Variants in GABARAP observed in about 807,000 individuals in gnomAD.
The protein encoded by GABARAP is GABA type A receptor-associated protein.
A neutral mutation model predicts 16.7 loss-of-function variants in GABARAP; 5 were observed. That is an observed-to-expected ratio of 0.30 (90% CI 0.16 to 0.63). The LOEUF (loss-of-function observed/expected upper bound fraction) is 0.63. Ranked by LOEUF, GABARAP falls within the 20% of genes least tolerant of loss-of-function variation. The pLI, the probability that GABARAP is intolerant of heterozygous loss-of-function variation, is 0.82. For missense variants in GABARAP, 84 were observed against 146.6 expected (o/e 0.57, Z 2.21); for synonymous variants, 45 against 52.7 (o/e 0.85, Z 0.64).
At position 7,240,756 on chromosome 17, in the gene GABARAP, G is replaced by A. The variant is rs1236514932; in HGVS notation, c.*98C>T. 10 of 789,234 alleles carry A rather than the reference G, an allele frequency of 1.3e-5. No homozygotes were observed. Among genetic ancestry groups the A allele is most frequent in the Non-Finnish European group, 2.0e-5 (9 of 442,814 alleles). The allele number at this position is 789,234 out of a possible 1,614,324, so 48.9% of individuals were successfully genotyped here. On this transcript the variant is annotated 3_prime_UTR_variant, in exon 4 of 4. Transcript: ENST00000302386. ...TAAGAAGTGCCGGTCCTGAATAAGG[G>A]AGGTGGTGTTTGAGCTTGAAGGAGG...
chr17:7,241,003 A>G (rs900378091), intron 3 of GABARAP, 84 bp from the exon 4 acceptor site: 1 of 883,986 alleles, frequency 1.1e-6, no homozygotes, highest in Non-Finnish European at 1.9e-6. Flanking sequence ...TTCTAGAACC[A>G]CAAACCATTG....
At chr17:7,241,176 C>T in intron 3 of GABARAP, 166 bp downstream of exon 3, 3 of 684,682 alleles carry the variant, frequency 4.4e-6, no homozygotes, top group Non-Finnish European at 8.0e-6. Flanking sequence ...CTCTTTCCTT[C>T]TCTCTACTCC....
In GABARAP at chr17:7,241,626, T is replaced by C. The variant is rs2071779682; in HGVS notation, c.144A>G (p.Lys48=). The change falls in exon 2 of 4, where the codon AAA becomes AAG. Residue 48 remains lysine (K), a synonymous_variant. Coordinates refer to ENST00000302386, the MANE Select transcript of GABARAP (RefSeq NM_007278.2). The part of the protein sequence containing the change: ...KARIGDLDKK[K]YLVPSDLTVG... ...CTGTGAGATCAGAAGGCACCAGGTATTTCTTTTTGTCCAGGTCTCCTATCC... is the reference window on the plus strand; with the variant it reads ...CTGTGAGATCAGAAGGCACCAGGTACTTCTTTTTGTCCAGGTCTCCTATCC... 2 of 1,612,306 alleles carry C rather than the reference T, an allele frequency of 1.2e-6. No homozygotes were observed. Among genetic ancestry groups the C allele is most frequent in the African/African-American group, 2.7e-5 (2 of 74,904 alleles).
chr17:7,241,004 C>T, intron 3 of GABARAP, 85 bp from the exon 4 acceptor site: 1 of 872,580 alleles, frequency 1.1e-6, no homozygotes, highest in Non-Finnish European at 2.0e-6. Context: ...TCTAGAACCA[C>T]AAACCATTGC....
At position 7,242,346 on chromosome 17, in the gene GABARAP, G is replaced by T; in HGVS notation, c.-16C>A. The T allele has an allele frequency of 6.2e-7, 1 of 1,600,956 alleles. No individual in the cohort carries two copies. ...CGAACTTCATCCTCCCGGGAACCGG[G>T]CTGGACAGGGCTGGGCTGAGGGAAC... On this transcript the variant is annotated 5_prime_UTR_variant, in exon 1 of 4. Transcript: ENST00000302386.
chr17:7,240,805 CCTCT>C lies in GABARAP; in HGVS notation c.*45_*48del, dbSNP rs1161357174. 4.6e-6 allele frequency: 6 copies of C among 1,308,606 alleles called. No homozygotes were observed. Among genetic ancestry groups the C allele is most frequent in the South Asian group, 2.4e-5 (2 of 84,664 alleles). 81.1% of individuals were successfully genotyped at this position (1,308,606 alleles called of 1,614,324 possible). On this transcript the variant is annotated 3_prime_UTR_variant, in exon 4 of 4. Transcript: ENST00000302386. Reference sequence around the variant, plus strand: ...GGAGGAGGTCAAGAAAGGGGGGCCACCTCTCTCTTTGTAGAATGAGACCCCCCTC... The same window carrying C: ...GGAGGAGGTCAAGAAAGGGGGGCCACCTCTTTGTAGAATGAGACCCCCCTC...
chr17:7,241,961 C>G (rs1347618605), intron 1 of GABARAP: 2 of 595,812 alleles, frequency 3.4e-6, no homozygotes, highest in African/African-American at 3.7e-5. Context: ...AATCTCGCAA[C>G]CTTAGCTAGC....
Position 7,240,762 on chromosome 17 carries a change from G to A in GABARAP, c.*92C>T. On this transcript the variant is annotated 3_prime_UTR_variant, in exon 4 of 4. Transcript: ENST00000302386. ...GTGCCGGTCCTGAATAAGGGAGGTG[G>A]TGTTTGAGCTTGAAGGAGGAGGAGG... is the stretch of plus-strand genomic sequence containing the variant. 6 of 809,438 alleles carry A rather than the reference G, an allele frequency of 7.4e-6. No homozygotes were observed. The highest frequency in any genetic ancestry group is 5.6e-5 in the South Asian group (4 of 71,570). 50.1% of individuals were successfully genotyped at this position (809,438 alleles called of 1,614,324 possible).
chr17:7,242,043 T>G, intron 1 of GABARAP, 198 bp downstream of exon 1: 1 of 604,290 alleles, frequency 1.7e-6, no homozygotes, highest in Non-Finnish European at 2.9e-6. Context: ...TTCTCTCTCC[T>G]GTCCACATCC....
At position 7,242,349 on chromosome 17, in the gene GABARAP, G is replaced by C; in HGVS notation, c.-19C>G. On this transcript the variant is annotated 5_prime_UTR_variant, in exon 1 of 4. Transcript: ENST00000302386. ...ACTTCATCCTCCCGGGAACCGGGCT[G>C]GACAGGGCTGGGCTGAGGGAACCCA... The C allele has an allele frequency of 1.9e-6, 3 of 1,601,140 alleles. No homozygotes were observed. In the Middle Eastern group the frequency reaches 5.0e-4, roughly 265 times the overall value.
chr17:7,240,831 C>G lies in GABARAP; in HGVS notation c.*23G>C, dbSNP rs746152364. ...CTCTCTCTTTGTAGAATGAGACCCC[C>G]CTCCAGCTCAGGGGCAGCAGCTTCA... On this transcript the variant is annotated 3_prime_UTR_variant, in exon 4 of 4. Transcript: ENST00000302386. 2 of 1,566,386 alleles carry G rather than the reference C, an allele frequency of 1.3e-6. No individual in the cohort carries two copies. The highest frequency in any genetic ancestry group is 2.2e-5 in the South Asian group (2 of 90,068).
chr17:7,241,286 C>A, intron 3 of GABARAP, 56 bp downstream of exon 3: 1 of 887,886 alleles, frequency 1.1e-6, no homozygotes, highest in South Asian at 1.3e-5. Context: ...CTTTCTTCCC[C>A]TCACGCTCTT....
Position 7,241,332 on chromosome 17 carries a change from G to T in GABARAP, c.288+10C>A, listed in dbSNP as rs139783498. 23 of 1,250,994 alleles carry T rather than the reference G, an allele frequency of 1.8e-5. No homozygotes were observed. In the Admixed American group the frequency reaches 3.5e-4, roughly 19 times the overall value. 77.5% of individuals were successfully genotyped at this position (1,250,994 alleles called of 1,614,324 possible). ...TCTCCAAAGCCTCCACCACTTCCCA[G>T]TCACCATACCTGGTACAGCTGACCC... is the stretch of plus-strand genomic sequence containing the variant. On this transcript the variant is annotated intron_variant, in intron 3 of 3. Transcript: ENST00000302386.
intron 3 of GABARAP, 75 bp downstream of exon 3, chr17:7,241,266 TG>T (rs1254372139): frequency 1.2e-6 from 1 of 821,914 alleles, no homozygotes. Flanking sequence ...AAACTACTGA[TG>T]TAACAACACT....
At position 7,242,225 on chromosome 17, in the gene GABARAP, TGGCTACTGTCCTCACC is replaced by T; in HGVS notation, c.90_90+15del. The T allele has an allele frequency of 6.3e-7, 1 of 1,598,720 alleles. No individual in the cohort carries two copies. The highest frequency in any genetic ancestry group is 8.6e-7 in the Non-Finnish European group (1 of 1,166,330). On this transcript the variant is annotated splice_donor_variant and splice_donor_5th_base_variant and coding_sequence_variant and intron_variant, in exon 1 of 4. Transcript: ENST00000302386. LOFTEE classifies it high-confidence loss of function. The stretch of plus-strand genomic sequence containing the variant: ...CGTAAGCGTCCCGCGCCCTCGGCCC[TGGCTACTGTCCTCACC>T]GGCACCCGGTCCGGGTATTTCTTTC...
intron 1 of GABARAP, 134 bp from the exon 2 acceptor site, chr17:7,241,813 C>G (rs1049446374): frequency 8.7e-6 from 6 of 688,788 alleles, no homozygotes; most frequent in Non-Finnish European, 1.6e-5. Context: ...ACACGCGGTG[C>G]AGCACTGAGT....
chr17:7,241,155 A>T (rs2071773887), intron 3 of GABARAP, 187 bp downstream of exon 3: 1 of 680,766 alleles, frequency 1.5e-6, no homozygotes, highest in Non-Finnish European at 2.7e-6. Flanking sequence ...TAGTTTCTCT[A>T]GCTCACTGTT....
Position 7,240,604 on chromosome 17 carries a change from T to C in GABARAP, c.*250A>G. On this transcript the variant is annotated 3_prime_UTR_variant, in exon 4 of 4. Transcript: ENST00000302386. ...CACTGGATGTGACACAGACTGACAA[T>C]CAAGAAGTCTACAGCAGGATGGGAA... is the stretch of plus-strand genomic sequence containing the variant. The C allele has an allele frequency of 2.2e-6, 1 of 453,294 alleles. No individual in the cohort carries two copies. Among genetic ancestry groups the C allele is most frequent in the South Asian group, 2.7e-5 (1 of 37,022 alleles). 28.1% of individuals were successfully genotyped at this position (453,294 alleles called of 1,614,324 possible).
chr17:7,242,443 A>G lies in GABARAP; in HGVS notation c.-113T>C. 1.3e-6 allele frequency: 1 copy of G among 776,402 alleles called. No individual in the cohort carries two copies. The highest frequency in any genetic ancestry group is 2.2e-6 in the Non-Finnish European group (1 of 455,332). The allele number at this position is 776,402 out of a possible 1,614,324, so 48.1% of individuals were successfully genotyped here. A position where few individuals can be genotyped will look rare whatever the true frequency, so the allele number is the denominator to read the frequency against. ...GGCGGATTCAGCGGAGCGATCCACG[A>G]ATTTGCGCCACTTCCCTATTCACCA... On this transcript the variant is annotated 5_prime_UTR_variant, in exon 1 of 4. Transcript: ENST00000302386.
Sources: gnomAD v4.1 joint callset for allele counts on GRCh38, gnomAD v4.1.1 for gene constraint, MANE v1.5 for transcripts, NCBI Gene and HGNC (gene_info 2026-07-23, HGNC 2026-07-21) for gene names.